RANBP2: variants seen among roughly 807,000 people sequenced by gnomAD.
The protein encoded by RANBP2 is RAN binding protein 2.
RANBP2 carries 57 observed loss-of-function variants against 303.6 expected under a neutral mutation model. That is an observed-to-expected ratio of 0.19 (90% CI 0.15 to 0.23). The LOEUF (loss-of-function observed/expected upper bound fraction) is 0.23. Among genes scored for constraint, RANBP2 ranks in the 10% least tolerant of loss-of-function variants. The pLI, the probability that RANBP2 is intolerant of heterozygous loss-of-function variation, is 1.00. For synonymous variants in RANBP2, 1,167 were observed against 1,301.5 expected, an observed-to-expected ratio of 0.90 and a Z score of 2.23; for missense variants, 3,138 against 3,780.8, an observed-to-expected ratio of 0.83 and a Z score of 4.46.
chr2:108,864,087 C>G, the RANBP2 span, among the ~76,000 whole-genome samples: 2 of 151,952 alleles, frequency 1.3e-5, no homozygotes, highest in African/African-American at 4.8e-5. Flanking sequence ...GTGTGTAACA[C>G]TAGTGAGCCC....
At chr2:108,803,824 A>G in the RANBP2 span, among the ~76,000 whole-genome samples, 2 of 152,136 alleles carry the variant, frequency 1.3e-5, no homozygotes, top group South Asian at 4.1e-4. Context: ...GTGGGAGAAG[A>G]GTGTATTGAG....
At chr2:108,748,374 A>ATTTTTTT in intron 8 of RANBP2, among the ~76,000 whole-genome samples, 1 of 130,748 alleles carries the variant, frequency 7.6e-6, no homozygotes, top group Non-Finnish European at 1.6e-5. Flanking sequence ...GGGCCGGCTA[A>ATTTTTTT]TTTTTTTTTT....
the RANBP2 span, among the ~76,000 whole-genome samples, chr2:109,587,178 T>C: frequency 3.9e-5 from 6 of 151,980 alleles, no homozygotes; most frequent in South Asian, 2.1e-4. Flanking sequence ...CAGAAAGATA[T>C]GAAAGAGCTC....
the RANBP2 span, chr2:109,667,333 T>C: frequency 1.8e-6 from 1 of 558,958 alleles, no homozygotes. Flanking sequence ...GAGAGGAAAA[T>C]AACACTCTTG....
At chr2:108,724,492 C>T (rs1211176078) in intron 1 of RANBP2, among the ~76,000 whole-genome samples, 1 of 151,912 alleles carries the variant, frequency 6.6e-6, no homozygotes, top group African/African-American at 2.4e-5. Context: ...AAGCATTGCT[C>T]CATTTTCTAG....
chr2:109,116,834 AG>A, the RANBP2 span, among the ~76,000 whole-genome samples: 1 of 150,852 alleles, frequency 6.6e-6, no homozygotes, highest in East Asian at 2.1e-4. Flanking sequence ...TCTGTTTGTT[AG>A]TTTTCCTTTT....
chr2:108,830,912 C>T, the RANBP2 span, among the ~76,000 whole-genome samples: 6 of 151,950 alleles, frequency 3.9e-5, no homozygotes, highest in Non-Finnish European at 8.8e-5. Flanking sequence ...CGGTGGCTCA[C>T]GCCTGTAGTC....
At chr2:109,465,097 T>C in the RANBP2 span, among the ~76,000 whole-genome samples, 3 of 152,248 alleles carry the variant, frequency 2.0e-5, no homozygotes, top group East Asian at 5.8e-4. Flanking sequence ...CATTGGCTTA[T>C]TTTATTTAGT....
the RANBP2 span, among the ~76,000 whole-genome samples, chr2:109,251,056 C>CAGT: frequency 6.6e-6 from 1 of 151,756 alleles, no homozygotes; most frequent in East Asian, 1.9e-4. Flanking sequence ...GGCTGGAGTG[C>CAGT]AGTGGCATGA....
chr2:109,038,526 A>C, the RANBP2 span, among the ~76,000 whole-genome samples: 1 of 152,086 alleles, frequency 6.6e-6, no homozygotes, highest in Non-Finnish European at 1.5e-5. Context: ...AAATATATTA[A>C]AATTAAAAAT....
chr2:109,743,141 A>G, the RANBP2 span, among the ~76,000 whole-genome samples: 1 of 147,602 alleles, frequency 6.8e-6, no homozygotes, highest in African/African-American at 2.6e-5. Flanking sequence ...TGTGGTGGCT[A>G]GTGCCTGTAG....
chr2:109,213,265 T>C, the RANBP2 span, among the ~76,000 whole-genome samples: 1 of 152,204 alleles, frequency 6.6e-6, no homozygotes, highest in South Asian at 2.1e-4. Flanking sequence ...ACATGGCTCT[T>C]CCTCCCTCTT....
chr2:109,265,478 T>C, the RANBP2 span, among the ~76,000 whole-genome samples: 5 of 152,194 alleles, frequency 3.3e-5, no homozygotes, highest in East Asian at 1.9e-4. Flanking sequence ...AAATAACCCA[T>C]TCAGGGCAGT....
chr2:109,335,677 A>C, the RANBP2 span, among the ~76,000 whole-genome samples: 1 of 152,044 alleles, frequency 6.6e-6, no homozygotes, highest in African/African-American at 2.4e-5. Context: ...CATAAACTCC[A>C]CCCGGGTGGG....
chr2:108,786,765 A>G, downstream of RANBP2: 21 of 1,464,676 alleles, frequency 1.4e-5, no homozygotes, highest in Non-Finnish European at 1.8e-5. Flanking sequence ...GCGGCCGCGT[A>G]GCGCCGCGGG....
the RANBP2 span, among the ~76,000 whole-genome samples, chr2:109,476,631 G>T: frequency 1.9e-4 from 29 of 152,300 alleles, no homozygotes; most frequent in Non-Finnish European, 3.8e-4. Context: ...CAGGAAAGGG[G>T]TCCCAATCCA....
chr2:109,607,427 G>A, the RANBP2 span, among the ~76,000 whole-genome samples: 3 of 152,088 alleles, frequency 2.0e-5, no homozygotes, highest in East Asian at 5.8e-4. Context: ...CTCAATGGGG[G>A]CAGTACCTGT....
At chr2:109,625,083 A>AC in the RANBP2 span, among the ~76,000 whole-genome samples, 1 of 130,322 alleles carries the variant, frequency 7.7e-6, no homozygotes, top group Non-Finnish European at 1.6e-5. Context: ...AACAACAACA[A>AC]CAACAAAAAA....
chr2:109,516,208 C>A, the RANBP2 span, among the ~76,000 whole-genome samples: 5 of 151,694 alleles, frequency 3.3e-5, no homozygotes, highest in Non-Finnish European at 7.4e-5. Flanking sequence ...AACACATGGG[C>A]CCGAGCAGGT....
Sources: gnomAD v4.1 joint callset for allele counts (sites outside exome capture counted in the v4.1 genomes callset) on GRCh38, gnomAD v4.1.1 for gene constraint, MANE v1.5 for transcripts, NCBI Gene and HGNC (gene_info 2026-07-23, HGNC 2026-07-21) for gene names.